The following COL6A2 variants were observed in gnomAD, a reference collection of about 807,000 sequenced individuals.
COL6A2 encodes the protein collagen type VI alpha 2 chain.
Under a neutral mutation model 124.9 loss-of-function variants are expected in COL6A2, and 90 were observed. The ratio of observed to expected loss-of-function variants is 0.72; its 90% CI spans 0.61 to 0.86. The LOEUF (loss-of-function observed/expected upper bound fraction) is 0.86. Ranked by LOEUF, COL6A2 falls within the 40% of genes least tolerant of loss-of-function variation. The pLI is 0.00. For missense variants in COL6A2, 1,607 were observed against 1,502.5 expected (o/e 1.07, Z -1.15); for synonymous variants, 793 against 618.2 (o/e 1.28, Z -4.19).
chr21:46,129,960 G>A (rs942274339), intron 27 of COL6A2, among the ~76,000 whole-genome samples: 1 of 152,130 alleles, frequency 6.6e-6, no homozygotes, highest in African/African-American at 2.4e-5. Context: ...GCTGGAGGAT[G>A]TTCCAGCACC....
At chr21:46,119,718 G>A (rs2078530056) in intron 14 of COL6A2, 70 bp from the exon 15 acceptor site, 4 of 1,417,160 alleles carry the variant, frequency 2.8e-6, no homozygotes, top group Non-Finnish European at 2.9e-6. Flanking sequence ...CCCCGGCACA[G>A]CCCCCACCCT....
At chr21:46,121,419 C>A in intron 17 of COL6A2, 137 bp from the exon 18 acceptor site, 1 of 866,626 alleles carries the variant, frequency 1.2e-6, no homozygotes, top group Non-Finnish European at 1.9e-6. Context: ...AGACAGAGGT[C>A]CACGGCCCCC....
At position 46,121,766 on chromosome 21, in the gene COL6A2, G is replaced by A. The variant is rs564105339; in HGVS notation, c.1521+148G>A. The A allele has an allele frequency of 1.8e-3, 1,469 of 797,294 alleles. 3 individuals carry two copies. The highest frequency in any genetic ancestry group is 2.8e-3 in the Admixed American group (128 of 46,468). The allele number at this position is 797,294 out of a possible 1,614,324, so 49.4% of individuals were successfully genotyped here. A position where few individuals can be genotyped will look rare whatever the true frequency, so the allele number is the denominator to read the frequency against. ...TCCTGTTCTCAGCTCTGGAGTGAGG[G>A]GATGCCTCCGGGGTCCAGGAAGCCC... is the stretch of plus-strand genomic sequence containing the variant. On this transcript the variant is annotated intron_variant, in intron 18 of 27. Coordinates refer to ENST00000300527, the MANE Select transcript of COL6A2 (RefSeq NM_001849.4).
In COL6A2 at chr21:46,116,893, TGATCTGTCA is replaced by T. The variant is rs2078480147; in HGVS notation, c.999+81_999+89del. 36 of 1,429,624 alleles carry T rather than the reference TGATCTGTCA, an allele frequency of 2.5e-5. No homozygotes were observed. The South Asian group carries it at 3.3e-4, about 13-fold the overall frequency. The allele number at this position is 1,429,624 out of a possible 1,614,324, so 88.6% of individuals were successfully genotyped here. Reference sequence around the variant, plus strand: ...CTCTGCAGGGCCCCCAGATCCAGCCTGATCTGTCAGCTTACACATGTGTACACACGCATA... The same window carrying T: ...CTCTGCAGGGCCCCCAGATCCAGCCTGCTTACACATGTGTACACACGCATA... On this transcript the variant is annotated intron_variant, in intron 10 of 27. Coordinates refer to ENST00000300527, the MANE Select transcript of COL6A2 (RefSeq NM_001849.4). This position sits in a 1 kb window ranked among gnomAD's most constrained non-coding sequence, Gnocchi z 4.6.
In COL6A2 at chr21:46,114,414, G is replaced by A. The variant is rs868480573; in HGVS notation, c.801+341G>A. Among the ~76,000 whole-genome samples the A allele has an allele frequency of 1.9e-3, 281 of 146,378 alleles. 2 individuals are homozygous for A. The highest frequency in any genetic ancestry group is 6.7e-3 in the African/African-American group (267 of 39,780). The stretch of plus-strand genomic sequence containing the variant: ...CACTCCAGCCTGGGCAACAGAGTAA[G>A]ACTCTGTCTCAAAAAAAAAAAAAAA... On this transcript the variant is annotated intron_variant, in intron 5 of 27. Coordinates refer to ENST00000300527, the MANE Select transcript of COL6A2 (RefSeq NM_001849.4).
chr21:46,129,365 C>A (rs140715835), intron 27 of COL6A2: 1 of 1,612,980 alleles, frequency 6.2e-7, no homozygotes. Context: ...TGGTCTACAC[C>A]GCCGAGCGGG....
At chr21:46,118,984 C>T (rs2078519017) in intron 13 of COL6A2, 46 bp from the exon 14 acceptor site, 2 of 1,443,038 alleles carry the variant, frequency 1.4e-6, no homozygotes, top group African/African-American at 1.4e-5. Context: ...GACCATGCCT[C>T]AGGGCCCCTG....
intron 14 of COL6A2, 151 bp downstream of exon 14, chr21:46,119,270 C>T (rs1444679623): frequency 1.5e-5 from 10 of 685,940 alleles, no homozygotes; most frequent in Admixed American, 7.3e-5. Flanking sequence ...GAAGTGGACC[C>T]GGACCACCCC....
chr21:46,126,630 C>T (rs1044024339), intron 27 of COL6A2, 89 bp downstream of exon 27: 114 of 1,507,800 alleles, frequency 7.6e-5, no homozygotes, highest in South Asian at 2.4e-4. Context: ...GGGGAGGGGC[C>T]GTGCAGGGAC....
At chr21:46,125,138 G>C (rs914029012) in intron 23 of COL6A2, 128 bp from the exon 24 acceptor site, 10 of 1,078,998 alleles carry the variant, frequency 9.3e-6, no homozygotes, top group Non-Finnish European at 1.4e-5. Context: ...GACAGGACCC[G>C]CCAGCCTCCC....
intron 21 of COL6A2, among the ~76,000 whole-genome samples, chr21:46,123,909 G>C (rs62213988): frequency 2.1e-5 from 3 of 143,448 alleles, no homozygotes; most frequent in Admixed American, 1.4e-4. Flanking sequence ...ATGGATGGGT[G>C]GGTGGATAGA....
Position 46,132,530 on chromosome 21 carries a change from G to T in COL6A2, c.3038G>T (p.Arg1013Leu). Residue 1013 changes from arginine (R) to leucine (L), a missense_variant, in exon 28 of 28, where the codon CGC becomes CTC. Transcript: ENST00000300527. Reference protein sequence around the residue: ...DSLAQPGFFDRFIRWIC With the variant: ...DSLAQPGFFDLFIRWIC ...CTGGCGCAACCCGGCTTCTTCGACC[G>T]CTTCATCCGCTGGATCTGCTAGCGC... The T allele has an allele frequency of 6.2e-7, 1 of 1,604,936 alleles. No homozygotes were observed.
chr21:46,119,735 G>A, intron 14 of COL6A2, 53 bp from the exon 15 acceptor site: 1 of 1,509,280 alleles, frequency 6.6e-7, no homozygotes, highest in Non-Finnish European at 9.0e-7. Flanking sequence ...CCCTCCACAG[G>A]CTCTGGGCTT....
chr21:46,126,579 C>T (rs996779573), intron 27 of COL6A2, 38 bp downstream of exon 27: 1 of 1,612,510 alleles, frequency 6.2e-7, no homozygotes, highest in South Asian at 1.1e-5. Context: ...CCCAGACTAG[C>T]AAAGCAGCCC....
intron 10 of COL6A2, 149 bp from the exon 11 acceptor site, chr21:46,117,251 G>A: frequency 1.3e-6 from 1 of 763,868 alleles, no homozygotes; most frequent in Non-Finnish European, 2.2e-6. Flanking sequence ...CAGCTCCACA[G>A]CAGCCGTGGC....
Position 46,111,928 on chromosome 21 carries a change from C to T in COL6A2, c.116-51C>T, listed in dbSNP as rs561820125. 3 of 1,573,450 alleles carry T rather than the reference C, an allele frequency of 1.9e-6. No individual in the cohort carries two copies. The Admixed American group carries it at 5.0e-5, about 26-fold the overall frequency. On this transcript the variant is annotated intron_variant, in intron 2 of 27. Coordinates refer to ENST00000300527, the MANE Select transcript of COL6A2 (RefSeq NM_001849.4). ...GGCACGGGGCCAGGAAACGGGGCTC[C>T]AACAGCAGTCCCTCCTGAGGCTGGC...
chr21:46,124,743 C>T (rs2078632755), intron 22 of COL6A2, 30 bp downstream of exon 22: 5 of 1,609,312 alleles, frequency 3.1e-6, no homozygotes, highest in Middle Eastern at 1.7e-4. Context: ...CCATGCCCTC[C>T]CCCCAACCTG....
intron 19 of COL6A2, 143 bp from the exon 20 acceptor site, chr21:46,122,353 C>A: frequency 7.7e-7 from 1 of 1,302,318 alleles, no homozygotes; most frequent in Non-Finnish European, 1.1e-6. Flanking sequence ...AGGAAAAGAG[C>A]ACAGCTCAGA....
intron 16 of COL6A2, 128 bp from the exon 17 acceptor site, chr21:46,120,933 G>T: frequency 1.2e-6 from 1 of 860,130 alleles, no homozygotes; most frequent in Non-Finnish European, 2.0e-6. Flanking sequence ...CCTCCGGGGA[G>T]GGTCATAGGG....
Sources: allele counts gnomAD v4.1 joint callset (sites outside exome capture counted in the v4.1 genomes callset), GRCh38; gene constraint gnomAD v4.1.1; non-coding constraint Gnocchi (gnomAD v3.1); transcripts MANE v1.5; gene names NCBI Gene and HGNC (gene_info 2026-07-23, HGNC 2026-07-21).